The following LRRC7 variants were observed in gnomAD, a reference collection of about 807,000 sequenced individuals.
LRRC7 encodes the protein leucine-rich repeat-containing protein 7.
Under a neutral mutation model 175.7 loss-of-function variants are expected in LRRC7, and 23 were observed. The observed-to-expected ratio is 0.13, with a 90% CI of 0.09 to 0.19. The LOEUF is 0.19. LRRC7 is among the 10% of genes least tolerant of loss of function. LRRC7 has a pLI of 1.00. For synonymous variants in LRRC7, 685 were observed against 680.9 expected (o/e 1.01, Z -0.09); for missense variants, 1,354 against 1,904.7 (o/e 0.71, Z 5.38).
chr1:70,021,342 C>T, intron 16 of LRRC7: 1 of 396,492 alleles, frequency 2.5e-6, no homozygotes, highest in Non-Finnish European at 4.8e-6. Flanking sequence ...TGAAATGCCA[C>T]TTCATCCAAC....
At chr1:70,116,057 T>TA (rs1195255492) in intron 26 of LRRC7, among the ~76,000 whole-genome samples, 4 of 152,208 alleles carry the variant, frequency 2.6e-5, no homozygotes, top group African/African-American at 7.2e-5. Context: ...ATATGTTTGA[T>TA]AAAAAGAAAA....
intron 2 of LRRC7, among the ~76,000 whole-genome samples, chr1:69,735,216 T>C (rs965279373): frequency 2.0e-5 from 3 of 152,056 alleles, no homozygotes; most frequent in African/African-American, 7.2e-5. Flanking sequence ...TAATATATAA[T>C]TCATATTTAA....
chr1:70,045,903 A>C (rs1163877716), intron 22 of LRRC7, among the ~76,000 whole-genome samples: 2 of 152,110 alleles, frequency 1.3e-5, no homozygotes, highest in Non-Finnish European at 2.9e-5. Context: ...TATGGAGGAA[A>C]CTGCCCCCAT....
intron 15 of LRRC7, among the ~76,000 whole-genome samples, chr1:70,020,587 AAGT>A (rs1176608545): frequency 3.3e-5 from 5 of 152,088 alleles, no homozygotes; most frequent in African/African-American, 7.2e-5. Context: ...AGCCACTGAG[AAGT>A]CTCTTAACAC....
chr1:69,872,543 A>T (rs192946093), intron 7 of LRRC7, among the ~76,000 whole-genome samples: 1 of 152,090 alleles, frequency 6.6e-6, no homozygotes, highest in African/African-American at 2.4e-5. Context: ...TACTTTATTA[A>T]TTTGAGCTAT....
chr1:69,969,528 GA>G (rs1482160421), intron 8 of LRRC7, among the ~76,000 whole-genome samples: 4 of 151,982 alleles, frequency 2.6e-5, no homozygotes, highest in Non-Finnish European at 4.4e-5. Flanking sequence ...TAAAAAAAGA[GA>G]AAGAGGGTCA....
chr1:69,747,589 A>G (rs1669394244), intron 2 of LRRC7, among the ~76,000 whole-genome samples: 1 of 152,136 alleles, frequency 6.6e-6, no homozygotes, highest in Non-Finnish European at 1.5e-5. Flanking sequence ...TTTTCATTCT[A>G]TTCTCTTAAT....
At chr1:69,844,702 A>G (rs756382915) in intron 7 of LRRC7, among the ~76,000 whole-genome samples, 10 of 152,100 alleles carry the variant, frequency 6.6e-5, no homozygotes, top group Non-Finnish European at 1.5e-4. Flanking sequence ...ATATATATTT[A>G]GAAGTGGGAT....
chr1:69,766,801 A>C (rs978367635), intron 3 of LRRC7, among the ~76,000 whole-genome samples: 3 of 152,216 alleles, frequency 2.0e-5, no homozygotes, highest in Non-Finnish European at 2.9e-5. Flanking sequence ...ACCCAAATGT[A>C]GAAAACAATC....
intron 7 of LRRC7, among the ~76,000 whole-genome samples, chr1:69,888,137 G>A (rs1352423838): frequency 7.0e-6 from 1 of 142,818 alleles, no homozygotes; most frequent in East Asian, 2.1e-4. Flanking sequence ...GAGCTGTGGT[G>A]GGCTCCACCC....
intron 2 of LRRC7, among the ~76,000 whole-genome samples, chr1:69,725,150 T>C (rs1192070652): frequency 6.6e-6 from 1 of 152,090 alleles, no homozygotes; most frequent in African/African-American, 2.4e-5. Flanking sequence ...AAAAAGACAA[T>C]GTTATTTAAA....
At chr1:69,740,311 C>A (rs1466788153) in intron 2 of LRRC7, among the ~76,000 whole-genome samples, 1 of 152,030 alleles carries the variant, frequency 6.6e-6, no homozygotes, top group African/African-American at 2.4e-5. Flanking sequence ...CTTGCTGTGT[C>A]CTCATGGGGA....
At chr1:70,011,075 T>C (rs777046972) in intron 11 of LRRC7, among the ~76,000 whole-genome samples, 2 of 152,188 alleles carry the variant, frequency 1.3e-5, no homozygotes, top group African/African-American at 2.4e-5. Flanking sequence ...TAAATACTTA[T>C]ATAATTTAAC....
chr1:69,641,910 G>A (rs904103791), intron 1 of LRRC7, among the ~76,000 whole-genome samples: 2 of 151,574 alleles, frequency 1.3e-5, no homozygotes, highest in Non-Finnish European at 3.0e-5. Context: ...TAGTTACCTC[G>A]TTTTAATAAT....
chr1:69,684,393 GGAAA>G (rs1660866559), intron 2 of LRRC7, among the ~76,000 whole-genome samples: 2 of 151,704 alleles, frequency 1.3e-5, no homozygotes, highest in Admixed American at 6.6e-5. Context: ...GTAAAAGGAA[GGAAA>G]GAAAGGCATA....
intron 7 of LRRC7, among the ~76,000 whole-genome samples, chr1:69,924,352 A>G (rs1570673751): frequency 6.6e-6 from 1 of 152,178 alleles, no homozygotes; most frequent in African/African-American, 2.4e-5. Context: ...AGTCATTGGT[A>G]GCTTGATGGG....
chr1:69,907,751 G>C (rs1199399458), intron 7 of LRRC7, among the ~76,000 whole-genome samples: 1 of 152,124 alleles, frequency 6.6e-6, no homozygotes, highest in Non-Finnish European at 1.5e-5. Flanking sequence ...GTCAGGCTTT[G>C]GTATCAGGAT....
chr1:69,703,196 CTTATT>C (rs1379256414), intron 2 of LRRC7, among the ~76,000 whole-genome samples: 1 of 152,034 alleles, frequency 6.6e-6, no homozygotes, highest in African/African-American at 2.4e-5. Context: ...CTTGTCCTGA[CTTATT>C]TTATCTTGAA....
At chr1:69,692,803 CATT>C (rs768755093) in intron 2 of LRRC7, among the ~76,000 whole-genome samples, 2 of 152,048 alleles carry the variant, frequency 1.3e-5, no homozygotes, top group African/African-American at 2.4e-5. Flanking sequence ...TCTGGCTAAA[CATT>C]ATTTCCAGGT....
Sources: allele counts gnomAD v4.1 joint callset (sites outside exome capture counted in the v4.1 genomes callset), GRCh38; gene constraint gnomAD v4.1.1; transcripts MANE v1.5; gene names NCBI Gene and HGNC (gene_info 2026-07-23, HGNC 2026-07-21).